The following PTPRS variants were observed in gnomAD, a reference collection of about 807,000 sequenced individuals.
PTPRS encodes receptor-type tyrosine-protein phosphatase S.
A neutral mutation model predicts 215.3 loss-of-function variants in PTPRS; 63 were observed. That is an observed-to-expected ratio of 0.29 (90% CI 0.24 to 0.36). PTPRS has a LOEUF of 0.36. Among genes scored for constraint, PTPRS ranks in the 10% least tolerant of loss-of-function variants. The pLI, the probability that PTPRS is intolerant of heterozygous loss-of-function variation, is 1.00. For synonymous variants in PTPRS, 1,404 were observed against 1,191.4 expected (o/e 1.18, Z -3.68); for missense variants, 2,258 against 2,825.8 (o/e 0.80, Z 4.56).
intron 4 of PTPRS, among the ~76,000 whole-genome samples, chr19:5,271,315 T>C (rs1936226851): frequency 6.6e-6 from 1 of 152,096 alleles, no homozygotes; most frequent in African/African-American, 2.4e-5. Flanking sequence ...TATGGCATTG[T>C]GCTAATCTTG....
intron 36 of PTPRS, 80 bp downstream of exon 36, chr19:5,208,157 C>T (rs749149084): frequency 8.9e-6 from 14 of 1,564,638 alleles, no homozygotes; most frequent in South Asian, 1.2e-5. Flanking sequence ...CCAGATGGGA[C>T]AGCCTAAGCT....
chr19:5,305,420 G>A (rs1216120002), intron 1 of PTPRS, among the ~76,000 whole-genome samples: 2 of 152,086 alleles, frequency 1.3e-5, no homozygotes, highest in Non-Finnish European at 2.9e-5. Context: ...GGTGAGGCAT[G>A]CCTGTGGTTG....
At position 5,237,162 on chromosome 19, in the gene PTPRS, C is replaced by T. The variant is rs1179833812; in HGVS notation, c.1849+1757G>A. 6.6e-6 allele frequency among the ~76,000 whole-genome samples: 1 copy of T among 152,140 alleles called. No individual in the cohort carries two copies. The highest frequency in any genetic ancestry group is 1.5e-5 in the Non-Finnish European group (1 of 68,028). On this transcript the variant is annotated intron_variant, in intron 13 of 37. Coordinates refer to ENST00000262963, the MANE Select transcript of PTPRS (RefSeq NM_002850.4). This position sits in a 1 kb window ranked among gnomAD's most constrained non-coding sequence, Gnocchi z 4.2. The stretch of plus-strand genomic sequence containing the variant: ...ATGCCAGTGGCCCCGCAGCCCTGCT[C>T]CAGCCCCCAGCGTGCGCACGCTGAG...
At chr19:5,221,395 C>A (rs1037619859) in intron 19 of PTPRS, 142 bp from the exon 20 acceptor site, 7 of 1,102,616 alleles carry the variant, frequency 6.3e-6, no homozygotes, top group Non-Finnish European at 8.8e-6. Flanking sequence ...ACTGACTGAT[C>A]CCTGATCCCA....
At chr19:5,206,875 C>A in intron 37 of PTPRS, 33 bp from the exon 38 acceptor site, 1 of 1,599,504 alleles carries the variant, frequency 6.3e-7, no homozygotes, top group Non-Finnish European at 8.6e-7. Context: ...TTAGTACCTC[C>A]GCTGCTCTAA....
intron 6 of PTPRS, 75 bp downstream of exon 6, chr19:5,262,888 TG>T: frequency 7.0e-7 from 1 of 1,437,310 alleles, no homozygotes; most frequent in Non-Finnish European, 9.6e-7. Flanking sequence ...GTTAGTTTGG[TG>T]AGGAGAAGGG....
chr19:5,231,795 G>C (rs561113210), intron 13 of PTPRS, among the ~76,000 whole-genome samples, 180 bp from the exon 14 acceptor site: 1 of 152,042 alleles, frequency 6.6e-6, no homozygotes, highest in Non-Finnish European at 1.5e-5. Flanking sequence ...AAGGTGGGAT[G>C]GGCGGGTGGA....
chr19:5,280,656 G>A (rs983338745), intron 2 of PTPRS, among the ~76,000 whole-genome samples: 9 of 152,166 alleles, frequency 5.9e-5, no homozygotes, highest in Non-Finnish European at 8.8e-5. Context: ...AGGAGGCAGA[G>A]GGTGCAGTGG....
At chr19:5,336,808 GT>G (rs1393395978) in intron 1 of PTPRS, among the ~76,000 whole-genome samples, 1 of 150,604 alleles carries the variant, frequency 6.6e-6, no homozygotes, top group Non-Finnish European at 1.5e-5. Flanking sequence ...GCGGCGGGTG[GT>G]GGGGGGGAGG....
Position 5,223,158 on chromosome 19 carries a change from C to G in PTPRS, c.2634G>C (p.Leu878=). The G allele has an allele frequency of 6.4e-7, 1 of 1,570,096 alleles. No homozygotes were observed. The highest frequency in any genetic ancestry group is 1.2e-5 in the South Asian group (1 of 85,584). Residue 878 remains leucine (L), a synonymous_variant, in exon 18 of 38, where the codon CTG becomes CTC. Transcript: ENST00000262963. The part of the protein sequence containing the change: ...LQFGREDSTP[L]ATLEFPPSED... ...CGGAGGGCGGGAACTCCAGGGTGGC[C>G]AGGGGCGTCGAGTCCTCACGGCCAA...
At chr19:5,331,353 G>C (rs2050320529) in intron 1 of PTPRS, among the ~76,000 whole-genome samples, 1 of 151,726 alleles carries the variant, frequency 6.6e-6, no homozygotes, top group African/African-American at 2.4e-5. Context: ...GTCTGATCTT[G>C]AACTCCTAGG....
intron 1 of PTPRS, among the ~76,000 whole-genome samples, chr19:5,308,033 C>T (rs735538): frequency 0.11 from 16,338 of 152,200 alleles, 1,090 homozygotes; most frequent in East Asian, 0.24. Context: ...TGGGAAGAGA[C>T]TGCTACTGGG....
At chr19:5,216,249 C>T (rs1364042500) in intron 26 of PTPRS, among the ~76,000 whole-genome samples, 1 of 152,078 alleles carries the variant, frequency 6.6e-6, no homozygotes, top group Non-Finnish European at 1.5e-5. Flanking sequence ...GGATGGCTGC[C>T]GAAGGTGCTG....
Position 5,265,047 on chromosome 19 carries a change from G to A in PTPRS, c.529C>T (p.Pro177Ser), listed in dbSNP as rs2046304258. The change falls in exon 5 of 38, where the codon CCT becomes TCT. Residue 177 changes from proline to serine, a missense_variant. Physicochemically the swap from Pro to Ser is moderately conservative, Grantham distance 74. This residue lies in a region of PTPRS where 508 missense variants were observed against 799.4 expected (regional missense o/e 0.64). Transcript: ENST00000262963. Reference protein sequence around the residue: ...TWFKDFLPVDPSASNGRIKQL... With the variant: ...TWFKDFLPVDSSASNGRIKQL... ...TTGATGCGTCCATTGCTGGCACTAG[G>A]ATCCACAGGCAGGAAGTCCTTGAAC... 1 of 1,614,030 alleles carries A rather than the reference G, an allele frequency of 6.2e-7. No homozygotes were observed. The highest frequency in any genetic ancestry group is 1.1e-5 in the South Asian group (1 of 91,078).
intron 1 of PTPRS, among the ~76,000 whole-genome samples, chr19:5,319,375 C>G (rs1346987163): frequency 6.6e-6 from 1 of 151,406 alleles, no homozygotes. Context: ...TGCACTGCAC[C>G]ACTGCAGTCC....
chr19:5,252,002 G>GC (rs1212514412), intron 9 of PTPRS, among the ~76,000 whole-genome samples: 3 of 151,488 alleles, frequency 2.0e-5, no homozygotes, highest in Non-Finnish European at 4.4e-5. Context: ...GGAACACCTG[G>GC]GGTCACATCC....
At chr19:5,312,931 T>G (rs894683525) in intron 1 of PTPRS, among the ~76,000 whole-genome samples, 8 of 152,178 alleles carry the variant, frequency 5.3e-5, no homozygotes, top group African/African-American at 1.9e-4. Flanking sequence ...TATTTATTTA[T>G]TTAGACAGAG....
chr19:5,208,300 A>G lies in PTPRS; in HGVS notation c.5579T>C (p.Ile1860Thr), dbSNP rs941491568. ...PKSGEGFIDF[I>T]GQVHKTKEQF... ...CTCCTTAGTCTTATGCACTTGGCCAATGAAGTCGATGAAGCCCTCCCCCGA... is the reference window on the plus strand; with the variant it reads ...CTCCTTAGTCTTATGCACTTGGCCAGTGAAGTCGATGAAGCCCTCCCCCGA... Residue 1860 changes from isoleucine (I) to threonine (T), a missense_variant, in exon 36 of 38, where the codon ATT becomes ACT. Physicochemically the swap from Ile to Thr is moderately conservative, Grantham distance 89. Around this residue, in one of 6 missense-constraint regions of PTPRS, gnomAD observed 927 missense variants for 1,125.9 expected, o/e 0.82. Coordinates refer to ENST00000262963, the MANE Select transcript of PTPRS (RefSeq NM_002850.4). 7 of 1,613,960 alleles carry G rather than the reference A, an allele frequency of 4.3e-6. No individual in the cohort carries two copies. The highest frequency in any genetic ancestry group is 1.3e-5 in the African/African-American group (1 of 75,048).
At chr19:5,272,724 G>C (rs1204352828) in intron 4 of PTPRS, among the ~76,000 whole-genome samples, 1 of 149,286 alleles carries the variant, frequency 6.7e-6, no homozygotes, top group Admixed American at 6.8e-5. Flanking sequence ...TGCCTACCTA[G>C]CATCCGTTCA....
Sources: gnomAD v4.1 joint callset for allele counts (sites outside exome capture counted in the v4.1 genomes callset) on GRCh38, gnomAD v4.1.1 for gene constraint, gnomAD v4.1.1 regional missense constraint, Gnocchi (gnomAD v3.1) non-coding constraint, MANE v1.5 for transcripts, NCBI Gene and HGNC (gene_info 2026-07-23, HGNC 2026-07-21) for gene names.